The following NF1 variants were observed in gnomAD, a reference collection of about 807,000 sequenced individuals.
NF1 encodes neurofibromin.
A neutral mutation model predicts 325.7 loss-of-function variants in NF1; 122 were observed. The ratio of observed to expected loss-of-function variants is 0.37; its 90% CI spans 0.32 to 0.44. The LOEUF is 0.44. Among genes scored for constraint, NF1 ranks in the 20% least tolerant of loss-of-function variants. The pLI, the probability that NF1 is intolerant of heterozygous loss-of-function variation, is 1.00. For synonymous variants in NF1, 1,091 were observed against 1,186.0 expected (o/e 0.92, Z 1.65); for missense variants, 2,140 against 3,415.4 (o/e 0.63, Z 9.31).
chr17:31,304,306 T>C (rs772690295), intron 36 of NF1: 1 of 1,613,776 alleles, frequency 6.2e-7, no homozygotes. Flanking sequence ...TTCATTAAGA[T>C]CTTGATCAGA....
In NF1 at chr17:31,334,136, A is replaced by C. The variant is rs17885110; in HGVS notation, c.5813-702A>C. ...CCCGTCTCTACTCAAAATATGAAAAAAAATTTGCCGGGCGTGGTGGTGGGC... is the reference window on the plus strand; with the variant it reads ...CCCGTCTCTACTCAAAATATGAAAACAAATTTGCCGGGCGTGGTGGTGGGC... On this transcript the variant is annotated intron_variant, in intron 39 of 57. Coordinates refer to ENST00000358273, the MANE Select transcript of NF1 (RefSeq NM_001042492.3). 0.018 allele frequency among the ~76,000 whole-genome samples: 2,731 copies of C among 152,168 alleles called. 72 individuals are homozygous for C. Among genetic ancestry groups the C allele is most frequent in the African/African-American group, 0.062 (2,578 of 41,506 alleles).
At position 31,226,657 on chromosome 17, in the gene NF1, G is replaced by T. The variant is rs587781896; in HGVS notation, c.2224G>T (p.Ala742Ser). ...LPNYNTFMEF[A>S]SVSNMMSTGR... Reference sequence around the variant, plus strand: ...CAACTATAACACATTCATGGAGTTTGCCTCTGTCAGCAATATGATGTCAAC... The same window carrying T: ...CAACTATAACACATTCATGGAGTTTTCCTCTGTCAGCAATATGATGTCAAC... Residue 742 changes from alanine (A) to serine (S), a missense_variant, in exon 18 of 58, where the codon GCC (alanine) becomes TCC (serine). By Grantham distance (99) the Ala-to-Ser change is moderately conservative (BLOSUM62 1). This residue lies in a region of NF1 where 380 missense variants were observed against 639.3 expected (regional missense o/e 0.59). Transcript: ENST00000358273. 61 of 1,613,704 alleles carry T rather than the reference G, an allele frequency of 3.8e-5. No individual in the cohort carries two copies. In the Admixed American group the frequency reaches 1.0e-3, roughly 26 times the overall value.
At chr17:31,295,823 T>G in intron 36 of NF1, 1 of 1,614,080 alleles carries the variant, frequency 6.2e-7, no homozygotes, top group East Asian at 2.2e-5. Flanking sequence ...GTCCACGATA[T>G]GTAGTTTGGA....
intron 1 of NF1, among the ~76,000 whole-genome samples, chr17:31,153,917 A>G (rs1053081910): frequency 4.6e-5 from 7 of 151,620 alleles, no homozygotes; most frequent in African/African-American, 9.7e-5. Flanking sequence ...CATGTCCCCA[A>G]CCAGTTTTGT....
At chr17:31,253,530 A>T (rs2067528964) in intron 31 of NF1, 1 of 153,164 alleles carries the variant, frequency 6.5e-6, no homozygotes, top group Non-Finnish European at 1.5e-5. Context: ...ATTTGTGCAT[A>T]GATTATAGAA....
chr17:31,292,718 G>C (rs905477652), intron 36 of NF1, among the ~76,000 whole-genome samples: 1 of 152,148 alleles, frequency 6.6e-6, no homozygotes, highest in African/African-American at 2.4e-5. Flanking sequence ...AGTTTACCAA[G>C]TTTGACTCTG....
intron 2 of NF1, among the ~76,000 whole-genome samples, chr17:31,156,942 C>T (rs2065673629): frequency 6.6e-6 from 1 of 152,118 alleles, no homozygotes; most frequent in Non-Finnish European, 1.5e-5. Context: ...TAACTCTGAA[C>T]TCTCTGCTGG....
At chr17:31,293,958 A>T (rs2068406125) in intron 36 of NF1, among the ~76,000 whole-genome samples, 1 of 152,128 alleles carries the variant, frequency 6.6e-6, no homozygotes, top group Non-Finnish European at 1.5e-5. Flanking sequence ...GAGTGTCAAG[A>T]TCTCTGTCCC....
At chr17:31,135,955 A>G (rs1915737681) in intron 1 of NF1, among the ~76,000 whole-genome samples, 2 of 151,848 alleles carry the variant, frequency 1.3e-5, no homozygotes, top group Non-Finnish European at 2.9e-5. Flanking sequence ...CTCTGGGTTC[A>G]TTTTACTTCT....
intron 57 of NF1, among the ~76,000 whole-genome samples, chr17:31,366,219 C>T (rs533023204): frequency 6.6e-6 from 1 of 152,288 alleles, no homozygotes; most frequent in East Asian, 1.9e-4. Context: ...CAGGCATGAG[C>T]CACCGCACCT....
At chr17:31,296,335 A>T (rs2068463921) in intron 36 of NF1, 1 of 1,614,042 alleles carries the variant, frequency 6.2e-7, no homozygotes, top group Non-Finnish European at 8.5e-7. Flanking sequence ...ATTCCATCAA[A>T]GCCTAGAAAC....
intron 54 of NF1, chr17:31,357,584 GATTTATTT>G: frequency 5.1e-6 from 3 of 583,882 alleles, no homozygotes; most frequent in Non-Finnish European, 9.1e-6. Flanking sequence ...AAATCTGGTT[GATTTATTT>G]AAGTGGTTTA....
At chr17:31,335,304 C>A (rs2069634223) in intron 40 of NF1, among the ~76,000 whole-genome samples, 4 of 3,256 alleles carry the variant, frequency 1.2e-3, no homozygotes, top group African/African-American at 4.2e-3. Flanking sequence ...ATAATTATGC[C>A]TTGAAGGAGA....
rs756450772 is a variant in NF1, at chr17:31,326,010, G to T, written c.5026G>T (p.Ala1676Ser). 6.2e-7 allele frequency: 1 copy of T among 1,613,982 alleles called. No homozygotes were observed. The highest frequency in any genetic ancestry group is 1.7e-5 in the Admixed American group (1 of 59,994). The change falls in exon 37 of 58, where the codon GCA (alanine) becomes TCA (serine). Residue 1676 changes from alanine (A) to serine (S), a missense_variant. Physicochemically the swap from Ala to Ser is moderately conservative, Grantham distance 99. Coordinates refer to ENST00000358273, the MANE Select transcript of NF1 (RefSeq NM_001042492.3). ...FPGFAYDNVS[A>S]VYIYNCNSWV... ...TGGCTTTGCTTACGACAACGTCTCC[G>T]CAGTCTATATCTATAACTGTAACTC...
Position 31,336,231 on chromosome 17 carries a change from A to G in NF1, c.6007-102A>G, listed in dbSNP as rs1476049370. 5 of 1,308,352 alleles carry G rather than the reference A, an allele frequency of 3.8e-6. No individual in the cohort carries two copies. The highest frequency in any genetic ancestry group is 2.0e-5 in the Admixed American group (1 of 50,162). The allele number at this position is 1,308,352 out of a possible 1,614,324, so 81.0% of individuals were successfully genotyped here. A position where few individuals can be genotyped will look rare whatever the true frequency, so the allele number is the denominator to read the frequency against. ...TAGTATTTTTGAGGCCTCAGGTAAA[A>G]TAGAATTTTCATATTGATTAGGCTG... On this transcript the variant is annotated intron_variant, in intron 40 of 57. Transcript: ENST00000358273. This position sits in a 1 kb window ranked among gnomAD's most constrained non-coding sequence, Gnocchi z 5.5.
At chr17:31,254,794 G>A (rs2067554788) in intron 31 of NF1, among the ~76,000 whole-genome samples, 2 of 151,476 alleles carry the variant, frequency 1.3e-5, no homozygotes, top group African/African-American at 4.9e-5. Flanking sequence ...ACCAAGTTTT[G>A]GAATGTATTT....
chr17:31,174,686 A>G (rs1310441553), intron 5 of NF1, among the ~76,000 whole-genome samples: 1 of 152,200 alleles, frequency 6.6e-6, no homozygotes, highest in East Asian at 1.9e-4. Flanking sequence ...TAGATCTGTA[A>G]CCTTAGACAC....
chr17:31,296,491 TC>T (rs2068468069), intron 36 of NF1: 1 of 710,522 alleles, frequency 1.4e-6, no homozygotes, highest in Non-Finnish European at 2.5e-6. Context: ...AAGCTCCCCT[TC>T]ATTTATAGTC....
rs1307937830 is a variant in NF1 at position 31,095,296 on chromosome 17, G to A, written c.-14G>A. ...CCACCCTTCCCTCCGCCGCCCCCCG[G>A]CCGCGGGGAGGACATGGCCGCGCAC... is the stretch of plus-strand genomic sequence containing the variant. On this transcript the variant is annotated 5_prime_UTR_variant, in exon 1 of 58. Coordinates refer to ENST00000358273, the MANE Select transcript of NF1 (RefSeq NM_001042492.3). The A allele has an allele frequency of 1.3e-6, 2 of 1,536,230 alleles. No individual in the cohort carries two copies. Among genetic ancestry groups the A allele is most frequent in the Non-Finnish European group, 1.7e-6 (2 of 1,146,084 alleles).
Sources: gnomAD v4.1 joint callset for allele counts (sites outside exome capture counted in the v4.1 genomes callset) on GRCh38, gnomAD v4.1.1 for gene constraint, gnomAD v4.1.1 regional missense constraint, Gnocchi (gnomAD v3.1) non-coding constraint, MANE v1.5 for transcripts, NCBI Gene and HGNC (gene_info 2026-07-23, HGNC 2026-07-21) for gene names.